MIER3: variants seen among roughly 807,000 people sequenced by gnomAD.
The protein encoded by MIER3 is MIER family member 3.
A neutral mutation model predicts 63.2 loss-of-function variants in MIER3; 9 were observed. That is an observed-to-expected ratio of 0.14 (90% CI 0.09 to 0.25). The LOEUF is 0.25. Among genes scored for constraint, MIER3 ranks in the 10% least tolerant of loss-of-function variants. MIER3 has a pLI of 1.00. For missense variants in MIER3, 512 were observed against 666.2 expected, an observed-to-expected ratio of 0.77 and a Z score of 2.55; for synonymous variants, 205 against 224.9, an observed-to-expected ratio of 0.91 and a Z score of 0.79.
At chr5:56,936,228 T>C (rs1200482902) in intron 5 of MIER3, among the ~76,000 whole-genome samples, 46 of 151,480 alleles carry the variant, frequency 3.0e-4, no homozygotes, top group Non-Finnish European at 7.4e-5. Context: ...AAAAAAAAAG[T>C]GTATAGTATC....
chr5:56,938,285 A>G (rs1417109655), intron 4 of MIER3: 1 of 471,240 alleles, frequency 2.1e-6, no homozygotes. Flanking sequence ...AGTGGGAACA[A>G]TATAACTCAC....
intron 8 of MIER3, among the ~76,000 whole-genome samples, chr5:56,932,816 A>G (rs1343099522): frequency 1.3e-5 from 2 of 152,216 alleles, no homozygotes; most frequent in South Asian, 4.1e-4. Flanking sequence ...ATAAAATCTA[A>G]AAGTCCAACC....
Position 56,919,719 on chromosome 5 carries a change from G to C in MIER3, c.*3409C>G, listed in dbSNP as rs578019309. The C allele has an allele frequency of 8.5e-5, 13 of 152,652 alleles. No homozygotes were observed. The South Asian group carries it at 2.7e-3, about 32-fold the overall frequency. 9.5% of individuals were successfully genotyped at this position (152,652 alleles called of 1,614,324 possible). The stretch of plus-strand genomic sequence containing the variant: ...TACAAATATTAAAATCAATGCAATA[G>C]CAACTTCCTCTTGAACATCTGATAC... On this transcript the variant is annotated 3_prime_UTR_variant, in exon 13 of 13. Coordinates refer to ENST00000381199, the MANE Select transcript of MIER3 (RefSeq NM_001297599.2).
At chr5:56,931,132 A>C (rs1205111279) in intron 8 of MIER3, among the ~76,000 whole-genome samples, 1 of 152,182 alleles carries the variant, frequency 6.6e-6, no homozygotes, top group Non-Finnish European at 1.5e-5. Context: ...TGTCTCTTTT[A>C]GTTTTAATAT....
chr5:56,929,764 T>G (rs906507481), intron 9 of MIER3, among the ~76,000 whole-genome samples: 1 of 152,198 alleles, frequency 6.6e-6, no homozygotes, highest in African/African-American at 2.4e-5. Context: ...ATTCCGTATC[T>G]ACTTGGGGCA....
Position 56,923,028 on chromosome 5 carries a change from G to A in MIER3, c.*100C>T. On this transcript the variant is annotated 3_prime_UTR_variant, in exon 13 of 13. Transcript: ENST00000381199. Reference sequence around the variant, plus strand: ...ACATACTGACATCACTGATGTCATAGTGAGAAAGGTTCAAACTTCCAGTGA... The same window carrying A: ...ACATACTGACATCACTGATGTCATAATGAGAAAGGTTCAAACTTCCAGTGA... 1.1e-6 allele frequency: 1 copy of A among 889,372 alleles called. No homozygotes were observed. The highest frequency in any genetic ancestry group is 2.6e-5 in the East Asian group (1 of 37,946). 55.1% of individuals were successfully genotyped at this position (889,372 alleles called of 1,614,324 possible). A position where few individuals can be genotyped will look rare whatever the true frequency, so the allele number is the denominator to read the frequency against.
At chr5:56,938,388 C>G (rs1002753405) in intron 4 of MIER3, 20 of 470,382 alleles carry the variant, frequency 4.3e-5, no homozygotes, top group African/African-American at 4.0e-4. Flanking sequence ...AGGCCATGGC[C>G]GTGTGAATTT....
chr5:56,922,611 T>C lies in MIER3; in HGVS notation c.*517A>G, dbSNP rs1337431568. 1.9e-5 allele frequency: 3 copies of C among 154,586 alleles called. No individual in the cohort carries two copies. Among genetic ancestry groups the C allele is most frequent in the South Asian group, 2.0e-4 (1 of 4,968 alleles). 9.6% of individuals were successfully genotyped at this position (154,586 alleles called of 1,614,324 possible). ...AGTTTAAAGAAACCTACCCCTGCTT[T>C]TATTAAGAAAATAAAACCAAAAAAA... On this transcript the variant is annotated 3_prime_UTR_variant, in exon 13 of 13. Coordinates refer to ENST00000381199, the MANE Select transcript of MIER3 (RefSeq NM_001297599.2).
chr5:56,928,481 T>TA (rs1361218474), intron 10 of MIER3: 5 of 216,464 alleles, frequency 2.3e-5, no homozygotes, highest in Non-Finnish European at 4.6e-5. Flanking sequence ...AATGGCTTGA[T>TA]AAGAAAGGAA....
At position 56,923,512 on chromosome 5, in the gene MIER3, C is replaced by T. The variant is rs189450990; in HGVS notation, c.1269G>A (p.Leu423=). 49 of 1,614,160 alleles carry T rather than the reference C, an allele frequency of 3.0e-5. No individual in the cohort carries two copies. In the East Asian group the frequency reaches 1.0e-3, roughly 33 times the overall value. ...VNCLDDSFPP[L]GNTPRGQVNH... is the part of the protein sequence containing the mutation. ...TAACTTGTCCACGGGGTGTGTTGCC[C>T]AGTGGAGGAAAGCTATCATCCAAAC... Residue 423 remains leucine, a synonymous_variant, in exon 13 of 13, where the codon CTG becomes CTA. Transcript: ENST00000381199.
At chr5:56,936,615 A>G (rs1750456493) in intron 5 of MIER3, among the ~76,000 whole-genome samples, 1 of 152,040 alleles carries the variant, frequency 6.6e-6, no homozygotes, top group African/African-American at 2.4e-5. Flanking sequence ...AGCTTCAGTG[A>G]TCCTCCTACC....
Position 56,928,842 on chromosome 5 carries a change from C to T in MIER3, c.849G>A (p.Thr283=), listed in dbSNP as rs753806589. The T allele has an allele frequency of 1.2e-5, 20 of 1,613,434 alleles. No individual in the cohort carries two copies. The highest frequency in any genetic ancestry group is 1.6e-5 in the Non-Finnish European group (19 of 1,179,682). The change falls in exon 10 of 13, where the codon ACG becomes ACA. Residue 283 remains threonine, a synonymous_variant. Coordinates refer to ENST00000381199, the MANE Select transcript of MIER3 (RefSeq NM_001297599.2). ...KASQEGMTAW[T]EEECRSFEHA... is the part of the protein sequence containing the mutation. ...GTTCAAAGCTTCGGCATTCTTCTTC[C>T]GTCCATGCAGTCATTCCTTCTAAGA... is the stretch of plus-strand genomic sequence containing the variant.
intron 10 of MIER3, among the ~76,000 whole-genome samples, chr5:56,925,692 C>T (rs570591765): frequency 7.2e-5 from 11 of 152,220 alleles, no homozygotes; most frequent in South Asian, 2.1e-4. Context: ...CTTGATCTAC[C>T]GATTTAGCAC....
intron 3 of MIER3, among the ~76,000 whole-genome samples, chr5:56,942,758 T>G (rs1750690700): frequency 6.6e-6 from 1 of 152,098 alleles, no homozygotes. Flanking sequence ...CAGAAACAAG[T>G]ATGGATAATC....
In MIER3 at chr5:56,922,364, A is replaced by C. The variant is rs1749711019; in HGVS notation, c.*764T>G. 1 of 152,536 alleles carries C rather than the reference A, an allele frequency of 6.6e-6. No individual in the cohort carries two copies. Among genetic ancestry groups the C allele is most frequent in the Non-Finnish European group, 1.5e-5 (1 of 68,032 alleles). The allele number at this position is 152,536 out of a possible 1,614,324, so 9.4% of individuals were successfully genotyped here. A position where few individuals can be genotyped will look rare whatever the true frequency, so the allele number is the denominator to read the frequency against. Reference sequence around the variant, plus strand: ...ATGCCAAAACTGTAGCCAATAAATGAAGTTACACAGAAATCTCCTGGCAGT... The same window carrying C: ...ATGCCAAAACTGTAGCCAATAAATGCAGTTACACAGAAATCTCCTGGCAGT... On this transcript the variant is annotated 3_prime_UTR_variant, in exon 13 of 13. Transcript: ENST00000381199.
In MIER3 at chr5:56,923,336, A is replaced by C. The variant is rs1749769103; in HGVS notation, c.1445T>G (p.Leu482Trp). 6.2e-7 allele frequency: 1 copy of C among 1,614,056 alleles called. No homozygotes were observed. The change falls in exon 13 of 13, where the codon TTG (leucine) becomes TGG (tryptophan). Residue 482 changes from leucine (L) to tryptophan (W), a missense_variant. Leu to Trp is a moderately conservative substitution (Grantham distance 61). Coordinates refer to ENST00000381199, the MANE Select transcript of MIER3 (RefSeq NM_001297599.2). The part of the protein sequence containing the change: ...SEESERPAKR[L>W]KMGIAVPESF... Reference sequence around the variant, plus strand: ...TTCAGGGACGGCAATGCCCATTTTCAATCTTTTTGCTGGTCTCTCTGACTC... The same window carrying C: ...TTCAGGGACGGCAATGCCCATTTTCCATCTTTTTGCTGGTCTCTCTGACTC...
At chr5:56,943,044 C>G (rs1027231951) in intron 3 of MIER3, among the ~76,000 whole-genome samples, 2 of 151,958 alleles carry the variant, frequency 1.3e-5, no homozygotes, top group African/African-American at 4.8e-5. Flanking sequence ...CTTTGGGAAG[C>G]TGAGTGGGGG....
chr5:56,927,218 G>A (rs1750033768), intron 10 of MIER3, among the ~76,000 whole-genome samples: 1 of 152,126 alleles, frequency 6.6e-6, no homozygotes. Flanking sequence ...ACAACATGAA[G>A]AGCGAACCTT....
At chr5:56,945,065 T>A (rs1462838238) in intron 3 of MIER3, among the ~76,000 whole-genome samples, 1 of 152,228 alleles carries the variant, frequency 6.6e-6, no homozygotes, top group African/African-American at 2.4e-5. Context: ...GAAAAAGTGA[T>A]ATTTTACTTT....
Sources: gnomAD v4.1 joint callset for allele counts (sites outside exome capture counted in the v4.1 genomes callset) on GRCh38, gnomAD v4.1.1 for gene constraint, MANE v1.5 for transcripts, NCBI Gene and HGNC (gene_info 2026-07-23, HGNC 2026-07-21) for gene names.